Variants in CCDC91 observed in about 807,000 individuals in gnomAD.
The protein encoded by CCDC91 is coiled-coil domain containing 91.
Under a neutral mutation model 63.2 loss-of-function variants are expected in CCDC91, and 48 were observed. That is an observed-to-expected ratio of 0.76 (90% CI 0.60 to 0.97). The LOEUF is 0.97. Ranked by LOEUF, CCDC91 falls within the 50% of genes least tolerant of loss-of-function variation. The pLI is 0.00. For missense variants in CCDC91, 500 were observed against 494.6 expected, an observed-to-expected ratio of 1.01 and a Z score of -0.10; for synonymous variants, 167 against 165.8, an observed-to-expected ratio of 1.01 and a Z score of -0.06.
chr12:28,392,368 C>T (rs1041365299), intron 8 of CCDC91, among the ~76,000 whole-genome samples: 8 of 152,176 alleles, frequency 5.3e-5, no homozygotes, highest in African/African-American at 1.9e-4. Context: ...GCTACATACT[C>T]ATTGAGGTCT....
intron 8 of CCDC91, among the ~76,000 whole-genome samples, chr12:28,410,051 G>A (rs1947221383): frequency 1.3e-5 from 2 of 152,004 alleles, no homozygotes; most frequent in Non-Finnish European, 2.9e-5. Flanking sequence ...AAATTTTTTG[G>A]TGTCTTGTCA....
chr12:28,387,219 A>G (rs527397766), intron 7 of CCDC91, among the ~76,000 whole-genome samples: 29 of 152,124 alleles, frequency 1.9e-4, no homozygotes, highest in Admixed American at 3.9e-4. Flanking sequence ...AAATTACCTT[A>G]TTTGCTTGGA....
chr12:28,424,943 G>A (rs368646665), intron 8 of CCDC91, among the ~76,000 whole-genome samples: 26 of 152,152 alleles, frequency 1.7e-4, no homozygotes, highest in East Asian at 1.4e-3. Flanking sequence ...TATATATGAT[G>A]TGAGGCAAAG....
chr12:28,507,753 G>A (rs1267883586), intron 12 of CCDC91, among the ~76,000 whole-genome samples: 1 of 151,888 alleles, frequency 6.6e-6, no homozygotes, highest in Admixed American at 6.6e-5. Context: ...TTTGCCTTAG[G>A]TCAGATGCCT....
At chr12:28,347,487 T>C (rs1942889271) in intron 6 of CCDC91, among the ~76,000 whole-genome samples, 1 of 152,220 alleles carries the variant, frequency 6.6e-6, no homozygotes, top group African/African-American at 2.4e-5. Flanking sequence ...GTTTACCAAG[T>C]ACCTCTTCCT....
At chr12:28,509,821 G>C (rs1464673705) in intron 12 of CCDC91, among the ~76,000 whole-genome samples, 2 of 151,970 alleles carry the variant, frequency 1.3e-5, no homozygotes, top group East Asian at 3.9e-4. Flanking sequence ...TATTAATATA[G>C]TAGACTCATG....
At chr12:28,438,637 A>G (rs1434680453) in intron 8 of CCDC91, among the ~76,000 whole-genome samples, 1 of 152,178 alleles carries the variant, frequency 6.6e-6, no homozygotes, top group Non-Finnish European at 1.5e-5. Context: ...AAGTTTATGG[A>G]TGCTCCCTGA....
At chr12:28,402,038 C>A (rs1946653687) in intron 8 of CCDC91, among the ~76,000 whole-genome samples, 1 of 152,010 alleles carries the variant, frequency 6.6e-6, no homozygotes, top group South Asian at 2.1e-4. Context: ...ATGCAGATTT[C>A]TGGACTCTGA....
intron 12 of CCDC91, among the ~76,000 whole-genome samples, chr12:28,521,074 T>G (rs1360431145): frequency 1.3e-5 from 2 of 152,222 alleles, no homozygotes; most frequent in Non-Finnish European, 2.9e-5. Context: ...GGGTTCCATA[T>G]GAACTTTAAA....
chr12:28,302,234 A>T (rs1023427151), intron 3 of CCDC91, among the ~76,000 whole-genome samples: 1 of 152,042 alleles, frequency 6.6e-6, no homozygotes, highest in Non-Finnish European at 1.5e-5. Context: ...ATCTTAACAG[A>T]TAATGAAAAA....
intron 11 of CCDC91, among the ~76,000 whole-genome samples, chr12:28,481,322 T>A (rs1204274004): frequency 6.6e-6 from 1 of 151,914 alleles, no homozygotes; most frequent in Non-Finnish European, 1.5e-5. Flanking sequence ...ACACACAGGA[T>A]GCTCCCTTAC....
intron 7 of CCDC91, among the ~76,000 whole-genome samples, chr12:28,372,012 G>A (rs1420943729): frequency 2.0e-5 from 3 of 152,178 alleles, no homozygotes; most frequent in Non-Finnish European, 4.4e-5. Flanking sequence ...GTTGATTTTT[G>A]TGTATGGTGA....
chr12:28,418,618 ATTATG>A (rs1947819039), intron 8 of CCDC91, among the ~76,000 whole-genome samples: 1 of 152,122 alleles, frequency 6.6e-6, no homozygotes, highest in Admixed American at 6.6e-5. Flanking sequence ...TGAAATTATT[ATTATG>A]TTAATGGCAG....
intron 2 of CCDC91, 129 bp from the exon 3 acceptor site, chr12:28,259,235 T>A: frequency 1.5e-6 from 1 of 670,618 alleles, no homozygotes. Context: ...GAAAAGCAGT[T>A]ATTTAGAGGG....
intron 3 of CCDC91, among the ~76,000 whole-genome samples, chr12:28,259,786 A>G (rs1317869450): frequency 1.3e-5 from 2 of 151,884 alleles, no homozygotes; most frequent in African/African-American, 2.4e-5. Flanking sequence ...TTATAGTCCA[A>G]AAATAATTTA....
chr12:28,394,711 G>GCTCTCTCT lies in CCDC91; in HGVS notation c.762+3314_762+3321dup, dbSNP rs151131648. 2.2e-3 allele frequency among the ~76,000 whole-genome samples: 304 copies of GCTCTCTCT among 137,040 alleles called. 4 individuals carry two copies. The highest frequency in any genetic ancestry group is 7.3e-3 in the African/African-American group (281 of 38,722). 89.9% of individuals were successfully genotyped at this position (137,040 alleles called of 152,430 possible). Reference sequence around the variant, plus strand: ...TTTGGTTCAACCTTTTCTGTTTCTTGCTCTCTCTCTCTCTCTCTCTCCCCC... The same window carrying GCTCTCTCT: ...TTTGGTTCAACCTTTTCTGTTTCTTGCTCTCTCTCTCTCTCTCTCTCTCTCTCTCCCCC... On this transcript the variant is annotated intron_variant, in intron 8 of 12. Transcript: ENST00000536442.
At chr12:28,191,643 ATATT>A (rs1180810830) in intron 1 of CCDC91, among the ~76,000 whole-genome samples, 1 of 151,906 alleles carries the variant, frequency 6.6e-6, no homozygotes, top group Non-Finnish European at 1.5e-5. Context: ...CCCCCCCACA[ATATT>A]TAGTTGGGTG....
intron 1 of CCDC91, among the ~76,000 whole-genome samples, chr12:28,234,731 C>T (rs1944826718): frequency 6.6e-6 from 1 of 151,080 alleles, no homozygotes; most frequent in African/African-American, 2.4e-5. Context: ...GAACTTGTAG[C>T]ATGGATAGTA....
chr12:28,274,679 G>A (rs1189444113), intron 3 of CCDC91, among the ~76,000 whole-genome samples: 1 of 152,026 alleles, frequency 6.6e-6, no homozygotes, highest in Non-Finnish European at 1.5e-5. Context: ...TGTGATTTTT[G>A]TACATTGATT....
Sources: allele counts gnomAD v4.1 joint callset (sites outside exome capture counted in the v4.1 genomes callset), GRCh38; gene constraint gnomAD v4.1.1; transcripts MANE v1.5; gene names NCBI Gene and HGNC (gene_info 2026-07-23, HGNC 2026-07-21).